CCNT2: variants seen among roughly 807,000 people sequenced by gnomAD.
CCNT2 encodes cyclin T2, also known as cyclin-T2.
CCNT2 carries 18 observed loss-of-function variants against 70.0 expected under a neutral mutation model. The observed-to-expected ratio is 0.26, with a 90% CI of 0.18 to 0.38. CCNT2 has a LOEUF of 0.38. Ranked by LOEUF, CCNT2 falls within the 10% of genes least tolerant of loss-of-function variation. CCNT2 has a pLI of 1.00. For missense variants in CCNT2, 734 were observed against 890.2 expected (o/e 0.82, Z 2.23); for synonymous variants, 334 against 313.3 (o/e 1.07, Z -0.70).
chr2:134,946,085 T>G lies in CCNT2; in HGVS notation c.494-16T>G, dbSNP rs1573846118. On this transcript the variant is annotated splice_polypyrimidine_tract_variant and intron_variant, in intron 5 of 8. Transcript: ENST00000264157. ...AGGCTGATAGTATTGTCTTCGTTTT[T>G]TTTTTTTTCTTACAGCAAGCAAGGA... The G allele has an allele frequency of 1.2e-6, 2 of 1,612,234 alleles. No homozygotes were observed. The highest frequency in any genetic ancestry group is 4.5e-5 in the East Asian group (2 of 44,862).
chr2:134,925,619 A>C (rs1262121387), intron 2 of CCNT2, among the ~76,000 whole-genome samples: 1 of 152,142 alleles, frequency 6.6e-6, no homozygotes, highest in Non-Finnish European at 1.5e-5. Context: ...TTCTTGCTGT[A>C]CTACCCATTA....
chr2:134,951,035 G>GTCTTTTTTTTTT (rs1682461425), intron 7 of CCNT2, among the ~76,000 whole-genome samples: 1 of 151,122 alleles, frequency 6.6e-6, no homozygotes, highest in Non-Finnish European at 1.5e-5. Context: ...TAGAAAAATA[G>GTCTTTTTTTTTT]TCTTTTTTTT....
intron 2 of CCNT2, among the ~76,000 whole-genome samples, chr2:134,931,286 T>TTTTTTTTTTTTTTTTTTC: frequency 6.9e-6 from 1 of 145,302 alleles, no homozygotes; most frequent in Admixed American, 7.0e-5. Context: ...TTTTTTTTTT[T>TTTTTTTTTTTTTTTTTTC]TGGTATTTGA....
At chr2:134,942,755 C>G in intron 5 of CCNT2, 81 bp downstream of exon 5, 1 of 1,439,258 alleles carries the variant, frequency 6.9e-7, no homozygotes, top group Non-Finnish European at 9.3e-7. Flanking sequence ...TTTTGTTTTT[C>G]TAGCCTTTTG....
chr2:134,941,072 C>T (rs1681546838), intron 4 of CCNT2, among the ~76,000 whole-genome samples: 1 of 152,108 alleles, frequency 6.6e-6, no homozygotes, highest in South Asian at 2.1e-4. Flanking sequence ...GAAAGGCATA[C>T]CTATGGACTC....
rs373456410 is a variant in CCNT2 at position 134,953,785 on chromosome 2, A to G, written c.1330A>G (p.Lys444Glu). The change falls in exon 9 of 9, where the codon AAA becomes GAA. Residue 444 changes from lysine to glutamate, a missense_variant. Coordinates refer to ENST00000264157, the MANE Select transcript of CCNT2 (RefSeq NM_058241.3). ...TTTAGATAAATATAGAGAAAAGCGT[A>G]AACTAGAAACTCTTGATCTCGATGT... ...MSLDKYREKRKLETLDLDVRD... is the reference protein window; with the variant it reads ...MSLDKYREKRELETLDLDVRD... The G allele has an allele frequency of 1.9e-6, 3 of 1,613,972 alleles. No individual in the cohort carries two copies. The highest frequency in any genetic ancestry group is 1.1e-5 in the South Asian group (1 of 91,088).
intron 7 of CCNT2, among the ~76,000 whole-genome samples, chr2:134,951,838 T>C (rs1682527615): frequency 6.6e-6 from 1 of 152,180 alleles, no homozygotes; most frequent in Non-Finnish European, 1.5e-5. Context: ...ACAGATGTTA[T>C]TCAGTATTCC....
chr2:134,929,213 A>G (rs1011417269), intron 2 of CCNT2, among the ~76,000 whole-genome samples: 1 of 152,230 alleles, frequency 6.6e-6, no homozygotes, highest in Non-Finnish European at 1.5e-5. Flanking sequence ...ATAAAGTTAC[A>G]CATGGTTAAG....
At position 134,957,359 on chromosome 2, in the gene CCNT2, T is replaced by TA. The variant is rs970331213; in HGVS notation, c.*2718dup. 2.0e-5 allele frequency: 3 copies of TA among 152,122 alleles called. No individual in the cohort carries two copies. Among genetic ancestry groups the TA allele is most frequent in the African/African-American group, 7.2e-5 (3 of 41,422 alleles). The allele number at this position is 152,122 out of a possible 1,614,324, so 9.4% of individuals were successfully genotyped here. ...AGGTGATAACATTTTTGATGAGATT[T>TA]AAAAAAATATTTGAAATATTAAAAA... On this transcript the variant is annotated 3_prime_UTR_variant, in exon 9 of 9. Coordinates refer to ENST00000264157, the MANE Select transcript of CCNT2 (RefSeq NM_058241.3).
At chr2:134,923,751 C>T (rs1182338432) in intron 2 of CCNT2, among the ~76,000 whole-genome samples, 1 of 152,196 alleles carries the variant, frequency 6.6e-6, no homozygotes. Context: ...GACGCAGTTA[C>T]CAAGTGACTT....
At chr2:134,919,085 C>A in intron 1 of CCNT2, 73 bp downstream of exon 1, 1 of 1,487,538 alleles carries the variant, frequency 6.7e-7, no homozygotes, top group Non-Finnish European at 9.0e-7. Flanking sequence ...GCCCCGCGAA[C>A]ATGGCGCCGC....
At chr2:134,931,018 A>G (rs904261976) in intron 2 of CCNT2, among the ~76,000 whole-genome samples, 1 of 150,416 alleles carries the variant, frequency 6.6e-6, no homozygotes, top group Non-Finnish European at 1.5e-5. Flanking sequence ...GCTGGAGTGC[A>G]GTGGCGCCAT....
At chr2:134,943,679 T>C (rs1681735368) in intron 5 of CCNT2, 2 of 984,720 alleles carry the variant, frequency 2.0e-6, no homozygotes, top group African/African-American at 3.5e-5. Context: ...AAATGAATCC[T>C]ATATATCTGT....
intron 2 of CCNT2, among the ~76,000 whole-genome samples, chr2:134,935,268 TTATTTC>T (rs1170979075): frequency 1.3e-5 from 2 of 152,254 alleles, no homozygotes; most frequent in Admixed American, 1.3e-4. Flanking sequence ...TAAGTTAACA[TTATTTC>T]TAGTTCTTGG....
rs149245738 is a variant in CCNT2, at chr2:134,943,230, A to G, written c.493+556A>G. The stretch of plus-strand genomic sequence containing the variant: ...AGCCTGGGCAACATGGTGAAACCCC[A>G]TCTCTACAAAAAACACAAAAATTAG... On this transcript the variant is annotated intron_variant, in intron 5 of 8. Coordinates refer to ENST00000264157, the MANE Select transcript of CCNT2 (RefSeq NM_058241.3). The G allele has an allele frequency of 2.8e-3, 1,214 of 439,966 alleles. 17 individuals carry two copies. The highest frequency in any genetic ancestry group is 0.025 in the African/African-American group (1,162 of 46,660). 27.3% of individuals were successfully genotyped at this position (439,966 alleles called of 1,614,324 possible).
intron 2 of CCNT2, among the ~76,000 whole-genome samples, chr2:134,922,691 G>GTA (rs1245129968): frequency 5.9e-5 from 9 of 152,226 alleles, no homozygotes; most frequent in African/African-American, 2.2e-4. Flanking sequence ...TGATGCCAAG[G>GTA]TATATACTGA....
In CCNT2 at chr2:134,947,860, G is replaced by C; in HGVS notation, c.664G>C (p.Glu222Gln). Residue 222 changes from glutamate (E) to glutamine (Q), a missense_variant, in exon 7 of 9, where the codon GAA becomes CAA. Physicochemically the swap from Glu to Gln is conservative, Grantham distance 29 (BLOSUM62 2). Around this residue, in one of 3 missense-constraint regions of CCNT2, gnomAD observed 161 missense variants for 303.8 expected, o/e 0.53. Transcript: ENST00000264157. The stretch of plus-strand genomic sequence containing the variant: ...ATCAACTGATGGAAAGCATTGGTGG[G>C]AATATGTGGATCCTACAGTTACTCT... ...PVSTDGKHWWEYVDPTVTLEL... is the reference protein window; with the variant it reads ...PVSTDGKHWWQYVDPTVTLEL... 1 of 1,543,348 alleles carries C rather than the reference G, an allele frequency of 6.5e-7. No homozygotes were observed. The highest frequency in any genetic ancestry group is 8.8e-7 in the Non-Finnish European group (1 of 1,129,994).
At chr2:134,930,070 A>G (rs1420744095) in intron 2 of CCNT2, among the ~76,000 whole-genome samples, 3 of 152,188 alleles carry the variant, frequency 2.0e-5, no homozygotes, top group Non-Finnish European at 1.5e-5. Context: ...ACGAAGTTGT[A>G]CAACTATCAC....
intron 5 of CCNT2, chr2:134,944,459 G>C: frequency 1.0e-6 from 1 of 966,024 alleles, no homozygotes; most frequent in Non-Finnish European, 1.2e-6. Flanking sequence ...CTTTATCAGA[G>C]ATTAATATTT....
Sources: gnomAD v4.1 joint callset for allele counts (sites outside exome capture counted in the v4.1 genomes callset) on GRCh38, gnomAD v4.1.1 for gene constraint, gnomAD v4.1.1 regional missense constraint, MANE v1.5 for transcripts, NCBI Gene and HGNC (gene_info 2026-07-23, HGNC 2026-07-21) for gene names.